The following PLXDC2 variants were observed in gnomAD, a reference collection of about 807,000 sequenced individuals.
The protein encoded by PLXDC2 is plexin domain containing 2, also known as plexin domain-containing protein 2.
A neutral mutation model predicts 68.9 loss-of-function variants in PLXDC2; 40 were observed. The ratio of observed to expected loss-of-function variants is 0.58; its 90% CI spans 0.45 to 0.76. The LOEUF (loss-of-function observed/expected upper bound fraction) is 0.76. PLXDC2 is among the 30% of genes least tolerant of loss of function. The pLI is 0.00. For synonymous variants in PLXDC2, 243 were observed against 234.2 expected (o/e 1.04, Z -0.34); for missense variants, 644 against 661.9 (o/e 0.97, Z 0.30).
intron 1 of PLXDC2, among the ~76,000 whole-genome samples, chr10:19,923,642 T>C (rs10827903): frequency 0.91 from 138,490 of 152,270 alleles, 63,161 homozygotes; most frequent in South Asian, 0.96. Context: ...AACTAACAAG[T>C]CTTATCTTTG....
At chr10:20,072,313 G>A (rs1285709517) in intron 4 of PLXDC2, among the ~76,000 whole-genome samples, 9 of 151,264 alleles carry the variant, frequency 5.9e-5, no homozygotes, top group Admixed American at 1.3e-4. Flanking sequence ...GAGGTTGTGG[G>A]CAGCCAAGAT....
At chr10:19,983,061 A>G (rs866826698) in intron 1 of PLXDC2, among the ~76,000 whole-genome samples, 1 of 152,204 alleles carries the variant, frequency 6.6e-6, no homozygotes, top group Admixed American at 6.5e-5. Flanking sequence ...TTTTTAATCT[A>G]AAATTACTTA....
rs1836117613 is a variant in PLXDC2 at position 20,284,186 on chromosome 10, A to G, written c.*4367A>G. On this transcript the variant is annotated 3_prime_UTR_variant, in exon 14 of 14. Transcript: ENST00000377252. ...TCTTTTGGTTTGTATTTCTTTAGGT[A>G]TTTTCCAAGTTACTGCTGCTTTTAC... 1.3e-5 allele frequency: 2 copies of G among 151,572 alleles called. No individual in the cohort carries two copies. Among genetic ancestry groups the G allele is most frequent in the South Asian group, 4.2e-4 (2 of 4,814 alleles). The allele number at this position is 151,572 out of a possible 1,614,324, so 9.4% of individuals were successfully genotyped here.
rs967016963 is a variant in PLXDC2, at chr10:20,289,531, A to G, written c.*9712A>G. On this transcript the variant is annotated 3_prime_UTR_variant, in exon 14 of 14. Coordinates refer to ENST00000377252, the MANE Select transcript of PLXDC2 (RefSeq NM_032812.9). ...GAAATGGCTGTATCTAATTCTCAGG[A>G]TATTTTGGATGTGTGCCTCAGGTAA... The G allele has an allele frequency of 3.3e-5, 5 of 152,138 alleles. No individual in the cohort carries two copies. Among genetic ancestry groups the G allele is most frequent in the African/African-American group, 7.2e-5 (3 of 41,410 alleles). 9.4% of individuals were successfully genotyped at this position (152,138 alleles called of 1,614,324 possible).
At chr10:19,841,203 A>G (rs1230247363) in intron 1 of PLXDC2, among the ~76,000 whole-genome samples, 1 of 152,108 alleles carries the variant, frequency 6.6e-6, no homozygotes, top group East Asian at 1.9e-4. Context: ...CTTGTTTCTT[A>G]GATTTGTTTT....
At chr10:20,017,201 C>T (rs1254999600) in intron 2 of PLXDC2, among the ~76,000 whole-genome samples, 2 of 152,208 alleles carry the variant, frequency 1.3e-5, no homozygotes, top group Non-Finnish European at 2.9e-5. Context: ...ACTGCCCTCC[C>T]TGAGTGCTGA....
intron 13 of PLXDC2, among the ~76,000 whole-genome samples, chr10:20,270,587 CAGGCTGG>C (rs1391071089): frequency 6.6e-6 from 1 of 151,650 alleles, no homozygotes. Flanking sequence ...TCTTGTTGCT[CAGGCTGG>C]AGTGCAATGG....
intron 4 of PLXDC2, among the ~76,000 whole-genome samples, chr10:20,137,039 T>G (rs1202314198): frequency 6.6e-6 from 1 of 152,198 alleles, no homozygotes; most frequent in Non-Finnish European, 1.5e-5. Flanking sequence ...GTTTTTGTTA[T>G]CTATTATCCT....
intron 12 of PLXDC2, among the ~76,000 whole-genome samples, chr10:20,226,154 T>C (rs1835284570): frequency 6.6e-6 from 1 of 152,248 alleles, no homozygotes; most frequent in African/African-American, 2.4e-5. Flanking sequence ...AGTATTTTAA[T>C]TGGTGGCAAC....
intron 7 of PLXDC2, among the ~76,000 whole-genome samples, chr10:20,166,194 A>T (rs980970448): frequency 6.6e-6 from 1 of 152,176 alleles, no homozygotes; most frequent in African/African-American, 2.4e-5. Context: ...TTTTAAAGCA[A>T]CGGATTAGCA....
intron 12 of PLXDC2, among the ~76,000 whole-genome samples, chr10:20,238,692 TACACAC>T (rs1213483200): frequency 8.3e-4 from 98 of 118,046 alleles, no homozygotes; most frequent in East Asian, 2.0e-3. Flanking sequence ...TATATATATA[TACACAC>T]ATATATATGT....
At chr10:20,057,169 A>G (rs1462718232) in intron 3 of PLXDC2, among the ~76,000 whole-genome samples, 1 of 152,212 alleles carries the variant, frequency 6.6e-6, no homozygotes, top group African/African-American at 2.4e-5. Flanking sequence ...AAGTTATTAA[A>G]TGATAAAGAT....
intron 1 of PLXDC2, among the ~76,000 whole-genome samples, chr10:19,835,154 G>A (rs914245415): frequency 1.3e-5 from 2 of 152,156 alleles, no homozygotes; most frequent in Admixed American, 6.5e-5. Context: ...ACACCTAGCC[G>A]GGTGTTGAAT....
In PLXDC2 at chr10:20,271,140, C is replaced by CACAT. The variant is rs1207040188; in HGVS notation, c.1474-8560_1474-8559insTACA. Among the ~76,000 whole-genome samples the CACAT allele has an allele frequency of 4.6e-3, 701 of 150,936 alleles. 7 individuals are homozygous for CACAT. Among genetic ancestry groups the CACAT allele is most frequent in the African/African-American group, 0.016 (657 of 40,930 alleles). On this transcript the variant is annotated intron_variant, in intron 13 of 13. Coordinates refer to ENST00000377252, the MANE Select transcript of PLXDC2 (RefSeq NM_032812.9). Reference sequence around the variant, plus strand: ...GTTTAAGACAAAAAACAGACACACACACACACACACACACACACACACACA... The same window carrying CACAT: ...GTTTAAGACAAAAAACAGACACACACACATACACACACACACACACACACACACA...
chr10:20,257,711 A>T lies in PLXDC2; in HGVS notation c.1473+12206A>T, dbSNP rs574852359. On this transcript the variant is annotated intron_variant, in intron 13 of 13. Coordinates refer to ENST00000377252, the MANE Select transcript of PLXDC2 (RefSeq NM_032812.9). ...ATGCCTTAAGCAAATCGTTTTCAAT[A>T]AGAAGTTACTTGAAACAGAAGAAAG... 4.6e-5 allele frequency among the ~76,000 whole-genome samples: 7 copies of T among 152,322 alleles called. No homozygotes were observed. In the East Asian group the frequency reaches 1.4e-3, roughly 29 times the overall value.
At chr10:20,127,594 C>G (rs987665612) in intron 4 of PLXDC2, among the ~76,000 whole-genome samples, 3 of 152,262 alleles carry the variant, frequency 2.0e-5, no homozygotes, top group African/African-American at 2.4e-5. Context: ...GGACTCCTAT[C>G]CAAAGGCAGC....
At chr10:20,018,146 TCTCTCCA>T (rs1835245140) in intron 2 of PLXDC2, among the ~76,000 whole-genome samples, 1 of 152,196 alleles carries the variant, frequency 6.6e-6, no homozygotes, top group Admixed American at 6.5e-5. Context: ...TACAGGGCCA[TCTCTCCA>T]GTGGGCCCCC....
chr10:19,849,125 T>C (rs1315564051), intron 1 of PLXDC2, among the ~76,000 whole-genome samples: 1 of 152,136 alleles, frequency 6.6e-6, no homozygotes, highest in African/African-American at 2.4e-5. Context: ...AACCCACACA[T>C]GTACATAGTT....
At chr10:19,975,021 G>C (rs76830084) in intron 1 of PLXDC2, among the ~76,000 whole-genome samples, 4 of 151,998 alleles carry the variant, frequency 2.6e-5, no homozygotes, top group African/African-American at 9.7e-5. Context: ...ACCATCATCG[G>C]CTCTGTCATG....
Sources: allele counts gnomAD v4.1 joint callset (sites outside exome capture counted in the v4.1 genomes callset), GRCh38; gene constraint gnomAD v4.1.1; transcripts MANE v1.5; gene names NCBI Gene and HGNC (gene_info 2026-07-23, HGNC 2026-07-21).